SERGEF: variants seen among roughly 807,000 people sequenced by gnomAD.
SERGEF encodes the protein secretion-regulating guanine nucleotide exchange factor.
A neutral mutation model predicts 50.0 loss-of-function variants in SERGEF; 51 were observed. The ratio of observed to expected loss-of-function variants is 1.02; its 90% CI spans 0.81 to 1.29. The LOEUF is 1.29. SERGEF is among the 50% of genes most tolerant of loss of function. The probability of loss-of-function intolerance (pLI) is 0.00; values close to 1 mark genes in which losing one functional copy is unlikely to be tolerated. For missense variants in SERGEF, 521 were observed against 557.0 expected (o/e 0.94, Z 0.65); for synonymous variants, 205 against 212.4 (o/e 0.97, Z 0.30).
intron 9 of SERGEF, among the ~76,000 whole-genome samples, chr11:17,902,405 C>T (rs572678002): frequency 5.3e-5 from 8 of 152,140 alleles, no homozygotes; most frequent in Non-Finnish European, 1.0e-4. Flanking sequence ...TGGTGGAAGC[C>T]ACAAGGGAGC....
At chr11:18,012,604 T>C in intron 1 of SERGEF, 1 of 1,175,872 alleles carries the variant, frequency 8.5e-7, no homozygotes, top group South Asian at 1.7e-5. Flanking sequence ...GACCGGGCGA[T>C]CCTCTCCACC....
chr11:17,841,475 T>C (rs1456021117), intron 10 of SERGEF, among the ~76,000 whole-genome samples: 1 of 152,202 alleles, frequency 6.6e-6, no homozygotes, highest in Non-Finnish European at 1.5e-5. Flanking sequence ...TCAAACCATG[T>C]TGTCCTTCTT....
chr11:18,005,609 G>A (rs772998709), intron 3 of SERGEF, among the ~76,000 whole-genome samples: 3 of 152,194 alleles, frequency 2.0e-5, no homozygotes, highest in Non-Finnish European at 4.4e-5. Flanking sequence ...AAGGACCGTG[G>A]CAAAGAGGGA....
At chr11:17,794,307 T>C (rs1009443779) in intron 10 of SERGEF, among the ~76,000 whole-genome samples, 3 of 152,206 alleles carry the variant, frequency 2.0e-5, no homozygotes, top group African/African-American at 4.8e-5. Context: ...GGAATGTGGA[T>C]GCGATAGCTG....
At chr11:17,808,718 T>C (rs1206706790) in intron 10 of SERGEF, among the ~76,000 whole-genome samples, 2 of 152,228 alleles carry the variant, frequency 1.3e-5, no homozygotes, top group African/African-American at 4.8e-5. Context: ...TATAGGCCCC[T>C]ACACCTTGTA....
At chr11:17,993,295 T>C (rs1439379678) in intron 6 of SERGEF, among the ~76,000 whole-genome samples, 1 of 152,204 alleles carries the variant, frequency 6.6e-6, no homozygotes, top group African/African-American at 2.4e-5. Flanking sequence ...TAATATTGGA[T>C]AGTAATTGGA....
intron 10 of SERGEF, among the ~76,000 whole-genome samples, chr11:17,804,289 T>C (rs910411165): frequency 6.6e-6 from 1 of 152,134 alleles, no homozygotes; most frequent in Non-Finnish European, 1.5e-5. Flanking sequence ...TTGTTTTCAA[T>C]CTCCCAGTGC....
chr11:17,796,161 GAT>G (rs1333497895), intron 10 of SERGEF, among the ~76,000 whole-genome samples: 3 of 152,150 alleles, frequency 2.0e-5, no homozygotes, highest in African/African-American at 7.2e-5. Flanking sequence ...GTAACACAGA[GAT>G]GATTTTAAAA....
intron 9 of SERGEF, among the ~76,000 whole-genome samples, chr11:17,928,951 T>C (rs1414255147): frequency 6.6e-6 from 1 of 152,238 alleles, no homozygotes; most frequent in Non-Finnish European, 1.5e-5. Context: ...ATTTTAGTTA[T>C]TAAATGCAAT....
chr11:17,799,023 C>T (rs1254507740), intron 10 of SERGEF, among the ~76,000 whole-genome samples: 1 of 152,214 alleles, frequency 6.6e-6, no homozygotes, highest in South Asian at 2.1e-4. Context: ...ACAGCACCTT[C>T]GGATCTGAAT....
rs1293014260 is a variant in SERGEF, at chr11:17,938,959, C to T, written c.1011+20511G>A. Among the ~76,000 whole-genome samples, 4 of 152,276 alleles carry T rather than the reference C, an allele frequency of 2.6e-5. No homozygotes were observed. The East Asian group carries it at 7.7e-4, about 29-fold the overall frequency. ...GGCTTCTTGGTCCTCCTTAGCCTGG[C>T]TACAGATTTCCTCTCATCAGAGAAC... On this transcript the variant is annotated intron_variant, in intron 9 of 10. Coordinates refer to ENST00000265965, the MANE Select transcript of SERGEF (RefSeq NM_012139.4).
intron 8 of SERGEF, among the ~76,000 whole-genome samples, chr11:17,978,658 A>G (rs1565221328): frequency 1.3e-5 from 2 of 152,206 alleles, no homozygotes; most frequent in African/African-American, 2.4e-5. Context: ...GGTCAGATCC[A>G]TATCAGTTCC....
At chr11:17,814,735 T>C (rs1160392413) in intron 10 of SERGEF, among the ~76,000 whole-genome samples, 1 of 152,248 alleles carries the variant, frequency 6.6e-6, no homozygotes. Context: ...GGAATTTCTC[T>C]TAAGAACTCT....
intron 10 of SERGEF, among the ~76,000 whole-genome samples, chr11:17,861,011 T>C (rs1850917351): frequency 6.6e-6 from 1 of 152,118 alleles, no homozygotes; most frequent in Non-Finnish European, 1.5e-5. Context: ...AATAATCAGG[T>C]AGCAAGCAGT....
chr11:17,879,152 T>C (rs1445533291), intron 9 of SERGEF, among the ~76,000 whole-genome samples: 3 of 152,158 alleles, frequency 2.0e-5, no homozygotes, highest in Non-Finnish European at 4.4e-5. Flanking sequence ...AAAGAACAAA[T>C]ACCTAATACA....
chr11:17,792,517 C>G lies in SERGEF; in HGVS notation c.1049-4104G>C, dbSNP rs186661985. 2.0e-4 allele frequency among the ~76,000 whole-genome samples: 31 copies of G among 152,326 alleles called. No homozygotes were observed. The East Asian group carries it at 5.2e-3, about 26-fold the overall frequency. On this transcript the variant is annotated intron_variant, in intron 10 of 10. Transcript: ENST00000265965. ...CTCCTCCAGCCAAAGGGAACACACT[C>G]TGAGGAAGCTACGCCTGGGACCGGG...
At chr11:17,993,631 C>T (rs780116462) in intron 6 of SERGEF, among the ~76,000 whole-genome samples, 5 of 152,162 alleles carry the variant, frequency 3.3e-5, no homozygotes, top group Non-Finnish European at 5.9e-5. Flanking sequence ...TGCAGATAGA[C>T]GCAGACTTAT....
chr11:17,851,411 ATG>A, intron 10 of SERGEF, among the ~76,000 whole-genome samples: 1 of 152,216 alleles, frequency 6.6e-6, no homozygotes, highest in East Asian at 1.9e-4. Context: ...ATTAATTATT[ATG>A]TGTCTCCTGT....
At chr11:17,989,525 G>A (rs892265708) in intron 7 of SERGEF, among the ~76,000 whole-genome samples, 4 of 152,258 alleles carry the variant, frequency 2.6e-5, no homozygotes, top group Admixed American at 2.0e-4. Flanking sequence ...GCAGGTGACT[G>A]TGGCAAGCCA....
Sources: allele counts gnomAD v4.1 joint callset (sites outside exome capture counted in the v4.1 genomes callset), GRCh38; gene constraint gnomAD v4.1.1; transcripts MANE v1.5; gene names NCBI Gene and HGNC (gene_info 2026-07-23, HGNC 2026-07-21).